KCNH1: variants seen among roughly 807,000 people sequenced by gnomAD.
KCNH1 encodes the protein potassium voltage-gated channel subfamily H member 1, also known as voltage-gated delayed rectifier potassium channel KCNH1.
In KCNH1, 27 loss-of-function variants were observed where a neutral mutation model predicts 69.2. The ratio of observed to expected loss-of-function variants is 0.39; its 90% confidence interval spans 0.29 to 0.54. The LOEUF is 0.54. KCNH1 is among the 20% of genes least tolerant of loss of function. The pLI, the probability that KCNH1 is intolerant of heterozygous loss-of-function variation, is 0.68. For missense variants in KCNH1, 798 were observed against 1,261.6 expected (o/e 0.63, Z 5.57); for synonymous variants, 456 against 487.7 (o/e 0.93, Z 0.86).
At position 211,014,250 on chromosome 1, in the gene KCNH1, C is replaced by T. The variant is rs1336884845; in HGVS notation, c.1032+4533G>A. On this transcript the variant is annotated intron_variant, in intron 6 of 10. Coordinates refer to ENST00000271751, the MANE Select transcript of KCNH1 (RefSeq NM_172362.3). ...CAGTAATAATTCAATCTTTAACACACGAAGCACACTAGCCCAACAATCCAC... is the reference window on the plus strand; with the variant it reads ...CAGTAATAATTCAATCTTTAACACATGAAGCACACTAGCCCAACAATCCAC... Among the ~76,000 whole-genome samples, 9 of 152,162 alleles carry T rather than the reference C, an allele frequency of 5.9e-5. No homozygotes were observed. The East Asian group carries it at 7.7e-4, about 13-fold the overall frequency.
At chr1:210,752,502 T>G (rs771912360) in intron 10 of KCNH1, among the ~76,000 whole-genome samples, 2 of 152,202 alleles carry the variant, frequency 1.3e-5, no homozygotes, top group Admixed American at 6.5e-5. Flanking sequence ...AAAGGAACTG[T>G]CAATTAACCA....
intron 7 of KCNH1, among the ~76,000 whole-genome samples, chr1:210,905,968 C>G (rs1247578818): frequency 6.6e-6 from 1 of 152,182 alleles, no homozygotes; most frequent in East Asian, 1.9e-4. Context: ...CAGCGTAAAG[C>G]CCTTACTCCT....
At chr1:210,719,626 T>C (rs1016424793) in intron 10 of KCNH1, among the ~76,000 whole-genome samples, 8 of 152,138 alleles carry the variant, frequency 5.3e-5, no homozygotes, top group African/African-American at 1.9e-4. Context: ...GACAGGTTGA[T>C]AGGTGCAGTA....
intron 4 of KCNH1, among the ~76,000 whole-genome samples, chr1:211,085,900 G>A (rs1017554309): frequency 1.3e-5 from 2 of 152,158 alleles, no homozygotes; most frequent in African/African-American, 4.8e-5. Flanking sequence ...TTGTTCAGGG[G>A]AAATCAGACA....
At chr1:210,974,342 A>G (rs1387624695) in intron 6 of KCNH1, among the ~76,000 whole-genome samples, 1 of 152,112 alleles carries the variant, frequency 6.6e-6, no homozygotes, top group Non-Finnish European at 1.5e-5. Flanking sequence ...ATTATTTGAT[A>G]TTAAAACAGC....
intron 7 of KCNH1, among the ~76,000 whole-genome samples, chr1:210,825,820 T>C (rs555854021): frequency 6.6e-6 from 1 of 152,218 alleles, no homozygotes. Flanking sequence ...ATGGTGTTCA[T>C]GCAAAGTGTG....
chr1:210,937,150 T>A (rs1376063251), intron 6 of KCNH1, among the ~76,000 whole-genome samples: 1 of 152,188 alleles, frequency 6.6e-6, no homozygotes, highest in Non-Finnish European at 1.5e-5. Context: ...AACGGCTCAA[T>A]TTCTCATTTC....
intron 7 of KCNH1, among the ~76,000 whole-genome samples, chr1:210,897,855 A>T (rs866874435): frequency 3.9e-5 from 6 of 152,202 alleles, no homozygotes; most frequent in Non-Finnish European, 4.4e-5. Context: ...AAGCAGGAAG[A>T]GAGCGAGCTG....
At chr1:211,076,320 C>T (rs1690732209) in intron 5 of KCNH1, among the ~76,000 whole-genome samples, 1 of 152,222 alleles carries the variant, frequency 6.6e-6, no homozygotes, top group Non-Finnish European at 1.5e-5. Flanking sequence ...AACTTGGAGA[C>T]ACCTCCCAGT....
At chr1:210,848,520 T>TA (rs2102463456) in intron 7 of KCNH1, among the ~76,000 whole-genome samples, 1 of 152,332 alleles carries the variant, frequency 6.6e-6, no homozygotes, top group South Asian at 2.1e-4. Flanking sequence ...TCACTGACAT[T>TA]ACTGGCCTTC....
At chr1:211,125,009 G>C (rs1450779528) in intron 1 of KCNH1, among the ~76,000 whole-genome samples, 1 of 152,156 alleles carries the variant, frequency 6.6e-6, no homozygotes, top group Non-Finnish European at 1.5e-5. Flanking sequence ...CCAAGACATT[G>C]TGCAGTACCC....
chr1:210,756,043 AC>A (rs1448295417), intron 10 of KCNH1, among the ~76,000 whole-genome samples: 1 of 152,088 alleles, frequency 6.6e-6, no homozygotes, highest in African/African-American at 2.4e-5. Flanking sequence ...TAGCTATGGA[AC>A]CCCTCATGGT....
chr1:211,133,718 T>A lies in KCNH1; in HGVS notation c.79+149A>T. The A allele has an allele frequency of 1.5e-5, 8 of 548,224 alleles. No individual in the cohort carries two copies. The highest frequency in any genetic ancestry group is 8.0e-5 in the East Asian group (2 of 25,098). 34.0% of individuals were successfully genotyped at this position (548,224 alleles called of 1,614,324 possible). A position where few individuals can be genotyped will look rare whatever the true frequency, so the allele number is the denominator to read the frequency against. On this transcript the variant is annotated intron_variant, in intron 1 of 10. Coordinates refer to ENST00000271751, the MANE Select transcript of KCNH1 (RefSeq NM_172362.3). This position sits in a 1 kb window ranked among gnomAD's most constrained non-coding sequence, Gnocchi z 5.4. ...CCCGCCCTGCCCACCTTTCTCTGCC[T>A]CGGGGAGGCTGCCCTGGGTGCCCGC... is the stretch of plus-strand genomic sequence containing the variant.
Position 210,683,212 on chromosome 1 carries a change from T to G in KCNH1, c.*69A>C, listed in dbSNP as rs1268172126. 5 of 1,446,602 alleles carry G rather than the reference T, an allele frequency of 3.5e-6. No homozygotes were observed. Among genetic ancestry groups the G allele is most frequent in the East Asian group, 2.3e-5 (1 of 43,956 alleles). 89.6% of individuals were successfully genotyped at this position (1,446,602 alleles called of 1,614,324 possible). On this transcript the variant is annotated 3_prime_UTR_variant, in exon 11 of 11. Coordinates refer to ENST00000271751, the MANE Select transcript of KCNH1 (RefSeq NM_172362.3). The surrounding 1 kb of genome is among the most constrained non-coding windows in gnomAD (Gnocchi z 5.7). Reference sequence around the variant, plus strand: ...GAAAATTGTTGGTCATGTGGACATATGTGGTAGGGGTGGTGGTGACGGCAG... The same window carrying G: ...GAAAATTGTTGGTCATGTGGACATAGGTGGTAGGGGTGGTGGTGACGGCAG...
intron 6 of KCNH1, among the ~76,000 whole-genome samples, chr1:210,949,696 G>C (rs767089111): frequency 6.6e-6 from 1 of 152,148 alleles, no homozygotes; most frequent in Non-Finnish European, 1.5e-5. Flanking sequence ...GTTGATTTTA[G>C]TGATATGATC....
At chr1:211,020,969 A>G (rs1427005373) in intron 5 of KCNH1, among the ~76,000 whole-genome samples, 1 of 152,174 alleles carries the variant, frequency 6.6e-6, no homozygotes, top group African/African-American at 2.4e-5. Context: ...CAAATGAGGT[A>G]TAGAAGAAAG....
intron 6 of KCNH1, among the ~76,000 whole-genome samples, chr1:210,980,436 C>A (rs1270069055): frequency 3.9e-5 from 6 of 152,128 alleles, no homozygotes; most frequent in Admixed American, 3.9e-4. Flanking sequence ...ATATTGAGAG[C>A]CTGATGTGTC....
At chr1:211,099,730 C>A (rs1173241203) in intron 3 of KCNH1, among the ~76,000 whole-genome samples, 1 of 152,170 alleles carries the variant, frequency 6.6e-6, no homozygotes, top group Non-Finnish European at 1.5e-5. Flanking sequence ...CAGCTCCCAG[C>A]CAGACACTAG....
chr1:210,934,482 T>C (rs987215181), intron 6 of KCNH1, among the ~76,000 whole-genome samples: 1 of 151,988 alleles, frequency 6.6e-6, no homozygotes, highest in African/African-American at 2.4e-5. Context: ...ATACCAAAAA[T>C]ACAAAAATTA....
Sources: allele counts gnomAD v4.1 joint callset (sites outside exome capture counted in the v4.1 genomes callset), GRCh38; gene constraint gnomAD v4.1.1; non-coding constraint Gnocchi (gnomAD v3.1); transcripts MANE v1.5; gene names NCBI Gene and HGNC (gene_info 2026-07-23, HGNC 2026-07-21).